The following TTC7A variants were observed in gnomAD, a reference collection of about 807,000 sequenced individuals.
TTC7A encodes tetratricopeptide repeat domain 7A, also known as tetratricopeptide repeat protein 7A.
In TTC7A, 110 loss-of-function variants were observed where a neutral mutation model predicts 103.7. That is an observed-to-expected ratio of 1.06 (90% confidence interval 0.91 to 1.24). The LOEUF (loss-of-function observed/expected upper bound fraction) is 1.24, where lower values mean the gene tolerates loss of function less well. TTC7A is among the 50% of genes most tolerant of loss of function. The probability of loss-of-function intolerance (pLI) is 0.00; values close to 1 mark genes in which losing one functional copy is unlikely to be tolerated. For synonymous variants in TTC7A, 521 were observed against 467.9 expected, an observed-to-expected ratio of 1.11 and a Z score of -1.47; for missense variants, 1,340 against 1,116.3, an observed-to-expected ratio of 1.20 and a Z score of -2.86.
intron 14 of TTC7A, among the ~76,000 whole-genome samples, chr2:47,028,287 CACTG>C (rs1033846547): frequency 2.0e-5 from 3 of 152,244 alleles, no homozygotes; most frequent in African/African-American, 7.2e-5. Flanking sequence ...TGTGCTGGGG[CACTG>C]ACTGACCCCA....
intron 15 of TTC7A, among the ~76,000 whole-genome samples, chr2:47,045,097 T>A (rs968326163): frequency 2.0e-5 from 3 of 152,156 alleles, no homozygotes; most frequent in Non-Finnish European, 2.9e-5. Context: ...GTCTTGCTCA[T>A]CAGTGATACT....
rs1156510458 is a variant in TTC7A at position 46,941,642 on chromosome 2, G to A, written c.101G>A (p.Arg34Gln). 3.2e-6 allele frequency: 5 copies of A among 1,553,044 alleles called. No homozygotes were observed. Among genetic ancestry groups the A allele is most frequent in the Middle Eastern group, 1.7e-4 (1 of 5,954 alleles). ...TGGGACCGCATGCCGGAGCTGGTCC[G>A]GCAGCTGCAGACGCTGAGCATGCCC... ...GHWDRMPELV[R>Q]QLQTLSMPGG... The change falls in exon 1 of 20, where the codon CGG (arginine) becomes CAG (glutamine). Residue 34 changes from arginine (R) to glutamine (Q), a missense_variant. Physicochemically the swap from Arg to Gln is conservative, Grantham distance 43. Coordinates refer to ENST00000319190, the MANE Select transcript of TTC7A (RefSeq NM_020458.4). The surrounding 1 kb of genome is among the most constrained non-coding windows in gnomAD (Gnocchi z 4.2).
intron 15 of TTC7A, among the ~76,000 whole-genome samples, chr2:47,038,629 TCCC>T (rs1681396366): frequency 3.4e-5 from 3 of 86,986 alleles, no homozygotes; most frequent in Non-Finnish European, 4.6e-5. Flanking sequence ...TGCTGCCACT[TCCC>T]ACCCACCCTC....
intron 5 of TTC7A, among the ~76,000 whole-genome samples, chr2:46,991,795 G>A (rs1403993157): frequency 6.6e-6 from 1 of 152,138 alleles, no homozygotes; most frequent in Non-Finnish European, 1.5e-5. Context: ...CTCTAAGGGG[G>A]CTGAGGTTCC....
At chr2:46,986,973 TA>T (rs992080567) in intron 5 of TTC7A, among the ~76,000 whole-genome samples, 9 of 152,350 alleles carry the variant, frequency 5.9e-5, no homozygotes, top group Admixed American at 5.2e-4. Flanking sequence ...TGAGGGATGT[TA>T]ATTTCCTCCA....
chr2:46,964,485 C>T (rs912001126), intron 3 of TTC7A, among the ~76,000 whole-genome samples: 3 of 152,120 alleles, frequency 2.0e-5, no homozygotes, highest in African/African-American at 7.2e-5. Context: ...CTGTGGGTCA[C>T]CACACCCTGA....
In TTC7A at chr2:47,015,762, A is replaced by T. The variant is rs544668791; in HGVS notation, c.1392+4327A>T. Among the ~76,000 whole-genome samples, 14 of 152,320 alleles carry T rather than the reference A, an allele frequency of 9.2e-5. No individual in the cohort carries two copies. The South Asian group carries it at 2.7e-3, about 29-fold the overall frequency. ...CTTGATGTTTTTGACTTCATTTTTC[A>T]AATTCAGGGGTGGGCAGAGCCAGGA... On this transcript the variant is annotated intron_variant, in intron 11 of 19. Transcript: ENST00000319190.
At chr2:46,927,120 G>C (rs557894581) in intron 2 of TTC7A, among the ~76,000 whole-genome samples, 27 of 152,048 alleles carry the variant, frequency 1.8e-4, no homozygotes, top group Non-Finnish European at 4.0e-4. Context: ...ATTCAGTGAG[G>C]TCTTACTTGT....
chr2:46,916,221 A>G, exon 1 of TTC7A: 1 of 943,632 alleles, frequency 1.1e-6, no homozygotes. Context: ...GAAGAAAGAT[A>G]ATAGGAATGC....
Position 46,941,238 on chromosome 2 carries a change from A to AGCG in TTC7A, c.-289_-287dup, listed in dbSNP as rs998042740. 2.5e-4 allele frequency: 37 copies of AGCG among 147,648 alleles called. No individual in the cohort carries two copies. The highest frequency in any genetic ancestry group is 8.0e-4 in the East Asian group (4 of 4,984). The allele number at this position is 147,648 out of a possible 1,614,324, so 9.1% of individuals were successfully genotyped here. On this transcript the variant is annotated 5_prime_UTR_variant, in exon 1 of 20. Coordinates refer to ENST00000319190, the MANE Select transcript of TTC7A (RefSeq NM_020458.4). This position sits in a 1 kb window ranked among gnomAD's most constrained non-coding sequence, Gnocchi z 4.2. ...GGGCGGAGGCTGTGGCAGCAGCTGC[A>AGCG]GCGGCGGCGGCGGCGGCAGCGCCAG...
chr2:46,944,401 A>G (rs190703534), intron 1 of TTC7A, among the ~76,000 whole-genome samples: 6 of 94,410 alleles, frequency 6.4e-5, no homozygotes, highest in South Asian at 3.3e-4. Context: ...TTTTTTTGAG[A>G]CAAGAACTTG....
chr2:47,044,036 G>C (rs1469079531), intron 15 of TTC7A, among the ~76,000 whole-genome samples: 2 of 152,138 alleles, frequency 1.3e-5, no homozygotes, highest in Non-Finnish European at 2.9e-5. Flanking sequence ...CTGTCCCCAG[G>C]GAGCTGTCCC....
chr2:46,961,129 C>T (rs1672333259), intron 3 of TTC7A, among the ~76,000 whole-genome samples: 1 of 152,250 alleles, frequency 6.6e-6, no homozygotes, highest in African/African-American at 2.4e-5. Flanking sequence ...CTACGGACCC[C>T]TGACCAAACA....
upstream of TTC7A, chr2:46,915,940 G>A (rs1001400932): frequency 1.0e-6 from 1 of 985,196 alleles, no homozygotes; most frequent in Non-Finnish European, 1.2e-6. Flanking sequence ...CGTGTAATCG[G>A]CCCGGGCCCA....
Position 47,060,969 on chromosome 2 carries a change from C to A in TTC7A, c.2353C>A (p.Leu785Met). ...AGATGGCGTGCGCATCATGCATAGC[C>A]TGGTGAGTCAGAGCCCCCCGCGCTC... ...NPDGVRIMHS[L>M]GLMLSRLGHK... Residue 785 changes from leucine to methionine, a missense_variant and splice_region_variant, in exon 19 of 20, where the codon CTG (leucine) becomes ATG (methionine). Transcript: ENST00000319190. The A allele has an allele frequency of 6.2e-7, 1 of 1,606,896 alleles. No homozygotes were observed. The highest frequency in any genetic ancestry group is 8.5e-7 in the Non-Finnish European group (1 of 1,175,748).
intron 11 of TTC7A, among the ~76,000 whole-genome samples, chr2:47,011,638 G>A (rs544232053): frequency 1.3e-5 from 2 of 152,354 alleles, no homozygotes; most frequent in South Asian, 2.1e-4. Context: ...TCAGGATGGT[G>A]TCTGGTTTGG....
intron 2 of TTC7A, among the ~76,000 whole-genome samples, chr2:46,952,733 C>G (rs1377132414): frequency 6.6e-6 from 1 of 152,142 alleles, no homozygotes; most frequent in African/African-American, 2.4e-5. Context: ...GCCTGGGTGA[C>G]AGAGCAAGAT....
intron 3 of TTC7A, among the ~76,000 whole-genome samples, chr2:46,972,130 A>G (rs1673419040): frequency 6.6e-6 from 1 of 151,656 alleles, no homozygotes; most frequent in Non-Finnish European, 1.5e-5. Context: ...CTGTCATGTC[A>G]TGTCTTTTCT....
At chr2:46,918,968 A>G (rs542429843) in intron 2 of TTC7A, among the ~76,000 whole-genome samples, 81 of 152,324 alleles carry the variant, frequency 5.3e-4, no homozygotes, top group African/African-American at 1.9e-3. Context: ...TCAGGTTGAA[A>G]CTAGTACAAG....
Sources: gnomAD v4.1 joint callset for allele counts (sites outside exome capture counted in the v4.1 genomes callset) on GRCh38, gnomAD v4.1.1 for gene constraint, Gnocchi (gnomAD v3.1) non-coding constraint, MANE v1.5 for transcripts, NCBI Gene and HGNC (gene_info 2026-07-23, HGNC 2026-07-21) for gene names.